The following FOXP1 variants were observed in gnomAD, a reference collection of about 807,000 sequenced individuals.
FOXP1 encodes forkhead box P1.
A neutral mutation model predicts 98.2 loss-of-function variants in FOXP1; 15 were observed. That is an observed-to-expected ratio of 0.15 (90% CI 0.10 to 0.24). FOXP1 has a LOEUF of 0.24. Among genes scored for constraint, FOXP1 ranks in the 10% least tolerant of loss-of-function variants. The pLI, the probability that FOXP1 is intolerant of heterozygous loss-of-function variation, is 1.00. For missense variants in FOXP1, 633 were observed against 848.5 expected, an observed-to-expected ratio of 0.75 and a Z score of 3.15; for synonymous variants, 371 against 314.5, an observed-to-expected ratio of 1.18 and a Z score of -1.90.
chr3:70,987,813 A>C (rs192483132), intron 14 of FOXP1, among the ~76,000 whole-genome samples, 181 bp downstream of exon 14: 1 of 152,324 alleles, frequency 6.6e-6, no homozygotes, highest in Admixed American at 6.5e-5. Flanking sequence ...ATCTCCCCAA[A>C]TGCCTAGCAT....
At chr3:71,005,593 A>G (rs2042711241) in intron 12 of FOXP1, among the ~76,000 whole-genome samples, 1 of 152,142 alleles carries the variant, frequency 6.6e-6, no homozygotes, top group Non-Finnish European at 1.5e-5. Context: ...TTTGGAAAGA[A>G]TGTGACCCTG....
At chr3:71,243,555 A>G (rs2067468322) in intron 5 of FOXP1, among the ~76,000 whole-genome samples, 1 of 152,216 alleles carries the variant, frequency 6.6e-6, no homozygotes, top group Non-Finnish European at 1.5e-5. Flanking sequence ...CAAACTGCTC[A>G]CTTTTAACGT....
At chr3:71,126,273 A>G (rs2059165875) in intron 6 of FOXP1, among the ~76,000 whole-genome samples, 2 of 150,500 alleles carry the variant, frequency 1.3e-5, no homozygotes, top group African/African-American at 4.9e-5. Flanking sequence ...TCACCAGGTC[A>G]GGAGATCGAG....
chr3:71,131,971 G>C (rs780049347), intron 6 of FOXP1, among the ~76,000 whole-genome samples: 5 of 152,184 alleles, frequency 3.3e-5, no homozygotes, highest in Non-Finnish European at 7.3e-5. Flanking sequence ...TCCACTTTGG[G>C]GAGGGGTGGA....
chr3:71,064,461 G>C (rs1183968787), intron 7 of FOXP1, among the ~76,000 whole-genome samples: 3 of 152,164 alleles, frequency 2.0e-5, no homozygotes, highest in African/African-American at 7.2e-5. Flanking sequence ...ACGAAAAAGA[G>C]AGAGAGAGAA....
At chr3:71,387,639 C>T (rs975705878) in intron 3 of FOXP1, among the ~76,000 whole-genome samples, 2 of 152,070 alleles carry the variant, frequency 1.3e-5, no homozygotes, top group Non-Finnish European at 2.9e-5. Context: ...TCTTGCTGTG[C>T]GTATGAACGA....
chr3:71,094,223 C>G (rs1410223789), intron 7 of FOXP1, among the ~76,000 whole-genome samples: 1 of 151,644 alleles, frequency 6.6e-6, no homozygotes, highest in South Asian at 2.1e-4. Context: ...TCCAATAAAG[C>G]TATAGTTGTG....
intron 4 of FOXP1, among the ~76,000 whole-genome samples, chr3:71,308,940 A>G (rs1186009361): frequency 6.6e-6 from 1 of 152,128 alleles, no homozygotes; most frequent in Admixed American, 6.6e-5. Context: ...TCCTTTTAGT[A>G]GGGAATAAAT....
At chr3:71,211,120 T>A (rs1300412278) in intron 5 of FOXP1, among the ~76,000 whole-genome samples, 1 of 152,170 alleles carries the variant, frequency 6.6e-6, no homozygotes, top group Non-Finnish European at 1.5e-5. Context: ...CACCTATTCC[T>A]TATCACGAGC....
At chr3:71,463,181 G>A (rs2088316525) in intron 3 of FOXP1, among the ~76,000 whole-genome samples, 1 of 151,902 alleles carries the variant, frequency 6.6e-6, no homozygotes, top group African/African-American at 2.4e-5. Flanking sequence ...TCAGCAACAT[G>A]GTGAAACCCC....
chr3:71,482,319 T>C (rs79460381), intron 3 of FOXP1, among the ~76,000 whole-genome samples: 4,820 of 151,970 alleles, frequency 0.032, 238 homozygotes, highest in African/African-American at 0.11. Context: ...GCTAAGTTTA[T>C]TTTTTGCTAC....
At chr3:71,064,911 T>A (rs549366589) in intron 7 of FOXP1, 2 of 643,856 alleles carry the variant, frequency 3.1e-6, no homozygotes, top group Non-Finnish European at 3.8e-6. Flanking sequence ...GGCCTCGGCG[T>A]GCAGGCGGAC....
intron 5 of FOXP1, among the ~76,000 whole-genome samples, chr3:71,208,294 C>G (rs1243037840): frequency 6.6e-6 from 1 of 152,204 alleles, no homozygotes; most frequent in Non-Finnish European, 1.5e-5. Flanking sequence ...TTCTAGCCAT[C>G]TGATGCTCTA....
At chr3:71,472,761 TC>T (rs1478414639) in intron 3 of FOXP1, among the ~76,000 whole-genome samples, 2 of 152,148 alleles carry the variant, frequency 1.3e-5, no homozygotes, top group Non-Finnish European at 2.9e-5. Context: ...AGTTGGTTTT[TC>T]CCCCAAAGTG....
intron 5 of FOXP1, among the ~76,000 whole-genome samples, chr3:71,232,999 C>A (rs2106790628): frequency 6.8e-6 from 1 of 147,174 alleles, no homozygotes; most frequent in East Asian, 2.1e-4. Context: ...ATAATAAAAA[C>A]ATAAGCTAGG....
chr3:70,965,425 T>C (rs1219360090), intron 20 of FOXP1, among the ~76,000 whole-genome samples: 1 of 152,232 alleles, frequency 6.6e-6, no homozygotes, highest in Non-Finnish European at 1.5e-5. Context: ...ATGCCGCCTT[T>C]CATTTGTGCC....
intron 5 of FOXP1, among the ~76,000 whole-genome samples, chr3:71,245,559 C>G (rs928458489): frequency 2.7e-5 from 4 of 149,102 alleles, no homozygotes; most frequent in African/African-American, 9.9e-5. Context: ...CCTTCTCTAC[C>G]CACCCACCCC....
intron 4 of FOXP1, among the ~76,000 whole-genome samples, chr3:71,315,499 G>A (rs903342852): frequency 2.6e-5 from 4 of 152,148 alleles, no homozygotes; most frequent in Admixed American, 2.6e-4. Flanking sequence ...TCAGTTGCGT[G>A]ACCCAGACTA....
At chr3:71,287,099 G>A (rs556009039) in intron 5 of FOXP1, among the ~76,000 whole-genome samples, 37 of 152,258 alleles carry the variant, frequency 2.4e-4, no homozygotes, top group African/African-American at 8.2e-4. Flanking sequence ...ACTTAAGATC[G>A]TTTAATGATA....
Sources: gnomAD v4.1 joint callset for allele counts (sites outside exome capture counted in the v4.1 genomes callset) on GRCh38, gnomAD v4.1.1 for gene constraint, MANE v1.5 for transcripts, NCBI Gene and HGNC (gene_info 2026-07-23, HGNC 2026-07-21) for gene names.